Variants in DNAH5 observed in about 807,000 individuals in gnomAD.
DNAH5 encodes axonemal beta dynein heavy chain 5.
Under a neutral mutation model 518.2 loss-of-function variants are expected in DNAH5, and 372 were observed. The observed-to-expected ratio is 0.72, with a 90% confidence interval of 0.66 to 0.78. The LOEUF (loss-of-function observed/expected upper bound fraction) is 0.78, where lower values mean the gene tolerates loss of function less well. Ranked by LOEUF, DNAH5 falls within the 30% of genes least tolerant of loss-of-function variation. The probability of loss-of-function intolerance (pLI) is 0.00; values close to 1 mark genes in which losing one functional copy is unlikely to be tolerated. For missense variants in DNAH5, 5,523 were observed against 5,687.0 expected (o/e 0.97, Z 0.93); for synonymous variants, 2,039 against 2,025.9 (o/e 1.01, Z -0.17).
intron 78 of DNAH5, among the ~76,000 whole-genome samples, chr5:13,693,983 C>G (rs540245148): frequency 1.3e-5 from 2 of 152,168 alleles, no homozygotes; most frequent in Non-Finnish European, 2.9e-5. Context: ...ACGGTTAACG[C>G]TAACTATACT....
chr5:13,724,010 T>C (rs1373008389), intron 70 of DNAH5, among the ~76,000 whole-genome samples: 5 of 152,238 alleles, frequency 3.3e-5, no homozygotes, highest in African/African-American at 7.2e-5. Flanking sequence ...ATGTGTAATA[T>C]GCAAGGATGC....
chr5:13,966,863 T>A (rs946255922), intron 1 of DNAH5, among the ~76,000 whole-genome samples: 1 of 152,166 alleles, frequency 6.6e-6, no homozygotes, highest in African/African-American at 2.4e-5. Flanking sequence ...TGTTTTTTGC[T>A]TTTTGCTTTT....
intron 1 of DNAH5, among the ~76,000 whole-genome samples, chr5:13,954,741 C>T (rs973592879): frequency 2.0e-5 from 3 of 152,152 alleles, no homozygotes; most frequent in Admixed American, 6.5e-5. Flanking sequence ...AGTGTTTCCC[C>T]GTTGCCCATT....
chr5:13,928,496 G>A (rs527655684), intron 2 of DNAH5, among the ~76,000 whole-genome samples: 14 of 152,308 alleles, frequency 9.2e-5, no homozygotes, highest in African/African-American at 2.9e-4. Flanking sequence ...TTTAAATAGA[G>A]ATGAGTGCTT....
At chr5:13,808,756 G>A in intron 46 of DNAH5, among the ~76,000 whole-genome samples, 1 of 151,850 alleles carries the variant, frequency 6.6e-6, no homozygotes, top group East Asian at 1.9e-4. Context: ...TCAGGAGATC[G>A]AGACCATGCT....
chr5:13,700,555 G>A (rs2126402874), intron 78 of DNAH5, 85 bp downstream of exon 78: 10 of 1,330,830 alleles, frequency 7.5e-6, no homozygotes, highest in Non-Finnish European at 1.1e-5. Context: ...TCTACTACAT[G>A]ATAACAAAAA....
intron 2 of DNAH5, among the ~76,000 whole-genome samples, 197 bp from the exon 3 acceptor site, chr5:13,928,375 CA>C (rs1177370139): frequency 6.6e-6 from 1 of 152,042 alleles, no homozygotes; most frequent in East Asian, 1.9e-4. Context: ...AGACTCTGTT[CA>C]AAAAAGTAAT....
At position 13,737,787 on chromosome 5, in the gene DNAH5, C is replaced by T. The variant is rs541999484; in HGVS notation, c.11212-292G>A. On this transcript the variant is annotated intron_variant, in intron 65 of 78. Coordinates refer to ENST00000265104, the MANE Select transcript of DNAH5 (RefSeq NM_001369.3). ...TAAAATACAAAAAAAAATAGCTGGG[C>T]GTGGTGGCGCATACCTGTAGTCCCA... 1.8e-4 allele frequency among the ~76,000 whole-genome samples: 27 copies of T among 151,842 alleles called. No homozygotes were observed. In the Middle Eastern group the frequency reaches 0.01, roughly 57 times the overall value.
intron 50 of DNAH5, 78 bp from the exon 51 acceptor site, chr5:13,788,992 A>G: frequency 1.6e-6 from 2 of 1,275,538 alleles, no homozygotes; most frequent in Non-Finnish European, 2.3e-6. Context: ...AGTACTGTAG[A>G]GTATTATCCT....
At chr5:13,982,448 G>A (rs35408940) in intron 1 of DNAH5, among the ~76,000 whole-genome samples, 53 of 149,204 alleles carry the variant, frequency 3.6e-4, no homozygotes, top group African/African-American at 1.1e-3. Context: ...TATTGCATGA[G>A]TGAGTAGACA....
At chr5:13,988,787 T>C (rs1466813082) in intron 1 of DNAH5, among the ~76,000 whole-genome samples, 1 of 135,730 alleles carries the variant, frequency 7.4e-6, no homozygotes, top group Non-Finnish European at 1.6e-5. Flanking sequence ...AGTGGTGTGG[T>C]GCGATCTCAC....
At position 13,991,558 on chromosome 5, in the gene DNAH5, A is replaced by G. The variant is rs371036699; in HGVS notation, c.12+20090T>C. On this transcript the variant is annotated intron_variant, in intron 1 of 78. Transcript: ENST00000681290. ...GGAGGGGAGGGGGAGGAGGAAGAGG[A>G]GGAGGAGGAAGAGGAGAAAGAGGAG... Among the ~76,000 whole-genome samples the G allele has an allele frequency of 3.7e-4, 53 of 143,334 alleles. No individual in the cohort carries two copies. In the East Asian group the frequency reaches 6.0e-3, roughly 16 times the overall value. The allele number at this position is 143,334 out of a possible 152,430, so 94.0% of individuals were successfully genotyped here.
chr5:14,005,427 C>A (rs1338426202), intron 1 of DNAH5, among the ~76,000 whole-genome samples: 1 of 152,180 alleles, frequency 6.6e-6, no homozygotes, highest in Non-Finnish European at 1.5e-5. Context: ...CTCAACATCA[C>A]AGGAACACAA....
chr5:13,744,795 T>A (rs761198710), intron 65 of DNAH5, among the ~76,000 whole-genome samples: 1 of 152,034 alleles, frequency 6.6e-6, no homozygotes, highest in Non-Finnish European at 1.5e-5. Flanking sequence ...TTGAAATCAG[T>A]AAAAGACAAA....
intron 61 of DNAH5, among the ~76,000 whole-genome samples, chr5:13,756,583 G>A (rs1213899594): frequency 6.6e-6 from 1 of 152,164 alleles, no homozygotes; most frequent in Non-Finnish European, 1.5e-5. Context: ...CATCCAAAAT[G>A]GTAGAAATTA....
intron 34 of DNAH5, 113 bp from the exon 35 acceptor site, chr5:13,839,641 C>T (rs1764896883): frequency 2.4e-5 from 23 of 946,002 alleles, no homozygotes; most frequent in Admixed American, 3.9e-5. Context: ...CACAGACAAC[C>T]GAACTATTTC....
At chr5:13,880,390 C>A (rs1771493942) in intron 21 of DNAH5, among the ~76,000 whole-genome samples, 2 of 152,106 alleles carry the variant, frequency 1.3e-5, no homozygotes, top group African/African-American at 4.8e-5. Context: ...AGTATATTGG[C>A]AAATCCAAAA....
intron 15 of DNAH5, among the ~76,000 whole-genome samples, chr5:13,895,660 G>A (rs898543549): frequency 7.2e-5 from 11 of 152,132 alleles, no homozygotes; most frequent in South Asian, 2.1e-4. Context: ...CTAGTGTCAC[G>A]GCTTTGAATT....
intron 21 of DNAH5, among the ~76,000 whole-genome samples, chr5:13,878,757 C>T (rs1438387724): frequency 6.6e-6 from 1 of 152,190 alleles, no homozygotes; most frequent in African/African-American, 2.4e-5. Flanking sequence ...GGGCCAACTT[C>T]CATCAGTTAT....
Sources: gnomAD v4.1 joint callset for allele counts (sites outside exome capture counted in the v4.1 genomes callset) on GRCh38, gnomAD v4.1.1 for gene constraint, MANE v1.5 for transcripts, NCBI Gene and HGNC (gene_info 2026-07-23, HGNC 2026-07-21) for gene names.